Variants in OGDH observed in about 807,000 individuals in gnomAD.
OGDH encodes the protein 2-oxoglutarate dehydrogenase complex component E1.
Under a neutral mutation model 116.6 loss-of-function variants are expected in OGDH, and 38 were observed. That is an observed-to-expected ratio of 0.33 (90% confidence interval 0.25 to 0.43). The LOEUF is 0.43. OGDH is among the 20% of genes least tolerant of loss of function. The pLI is 1.00. For missense variants in OGDH, 825 were observed against 1,357.2 expected (o/e 0.61, Z 6.16); for synonymous variants, 488 against 533.3 (o/e 0.92, Z 1.17).
intron 4 of OGDH, among the ~76,000 whole-genome samples, chr7:44,663,412 T>C (rs1787035421): frequency 6.6e-6 from 1 of 152,186 alleles, no homozygotes; most frequent in African/African-American, 2.4e-5. Flanking sequence ...GCAGGCAGAT[T>C]GCTTGAGCTC....
chr7:44,698,117 T>C, intron 17 of OGDH, 75 bp from the exon 18 acceptor site: 1 of 1,516,148 alleles, frequency 6.6e-7, no homozygotes, highest in Non-Finnish European at 9.2e-7. Flanking sequence ...GCTAGTTGGT[T>C]GAGGAGGAAC....
In OGDH at chr7:44,696,946, A is replaced by G; in HGVS notation, c.1933A>G (p.Met645Val). 3 of 1,613,844 alleles carry G rather than the reference A, an allele frequency of 1.9e-6. No individual in the cohort carries two copies. Among genetic ancestry groups the G allele is most frequent in the Non-Finnish European group, 2.5e-6 (3 of 1,179,782 alleles). The change falls in exon 15 of 23, where the codon ATG (methionine) becomes GTG (valine). Residue 645 changes from methionine (M) to valine (V), a missense_variant. Met to Val is a conservative substitution (Grantham distance 21). Around this residue, in one of 7 missense-constraint regions of OGDH, gnomAD observed 92 missense variants for 129.7 expected, o/e 0.71. Coordinates refer to ENST00000222673, the MANE Select transcript of OGDH (RefSeq NM_002541.4). ...CCGGATCTTGAAGACTCGTGGGGAA[A>G]TGGTGAAGAACCGGACTGTGGACTG... ...LSRILKTRGE[M>V]VKNRTVDWAL...
chr7:44,645,961 T>C lies in OGDH; in HGVS notation c.414+443T>C, dbSNP rs907091883. On this transcript the variant is annotated intron_variant, in intron 3 of 22. Transcript: ENST00000222673. ...AACCATACTATAGAGTTTGGGGATG[T>C]GGAGGCAGGGAGAGGCAGCTGAGGG... Among the ~76,000 whole-genome samples the C allele has an allele frequency of 4.6e-5, 7 of 152,150 alleles. No individual in the cohort carries two copies. The South Asian group carries it at 1.5e-3, about 32-fold the overall frequency.
chr7:44,674,431 G>A lies in OGDH; in HGVS notation c.809G>A (p.Arg270Gln). 1.2e-6 allele frequency: 2 copies of A among 1,614,132 alleles called. No homozygotes were observed. Among genetic ancestry groups the A allele is most frequent in the South Asian group, 1.1e-5 (1 of 91,084 alleles). ...TCCAGGTTTGAGGAGTTCCTACAGC[G>A]GAAGTGGTCCTCTGAGAAGCGCTTT... is the stretch of plus-strand genomic sequence containing the variant. ...RSTRFEEFLQ[R>Q]KWSSEKRFGL... The change falls in exon 7 of 23, where the codon CGG (arginine) becomes CAG (glutamine). Residue 270 changes from arginine to glutamine, a missense_variant. By Grantham distance (43) the Arg-to-Gln change is conservative. This residue lies in a region of OGDH where 171 missense variants were observed against 276.8 expected (regional missense o/e 0.62). Transcript: ENST00000222673.
intron 4 of OGDH, among the ~76,000 whole-genome samples, chr7:44,663,968 T>G (rs1282687935): frequency 6.6e-6 from 1 of 152,080 alleles, no homozygotes; most frequent in Non-Finnish European, 1.5e-5. Context: ...AAGAAATTGT[T>G]TGATGATGAC....
chr7:44,686,860 G>A (rs1788152413), intron 10 of OGDH, among the ~76,000 whole-genome samples: 1 of 150,536 alleles, frequency 6.6e-6, no homozygotes, highest in African/African-American at 2.4e-5. Context: ...GCTAATTTTT[G>A]TATTTTCAGT....
intron 2 of OGDH, among the ~76,000 whole-genome samples, chr7:44,640,878 G>C (rs1045256768): frequency 3.3e-5 from 5 of 150,968 alleles, no homozygotes; most frequent in African/African-American, 1.2e-4. Flanking sequence ...GAAAAATTTT[G>C]ATTAGGTTTT....
rs202245477 is a variant in OGDH, at chr7:44,640,440, GT to G, written c.223-4879del. On this transcript the variant is annotated intron_variant, in intron 2 of 22. Transcript: ENST00000222673. ...TACCTATCCCTGCTGCTATTGGTGGGTTTTTTTTGTTTTGTTTTGTTTTACT... is the reference window on the plus strand; with the variant it reads ...TACCTATCCCTGCTGCTATTGGTGGGTTTTTTTGTTTTGTTTTGTTTTACT... Among the ~76,000 whole-genome samples the G allele has an allele frequency of 2.6e-5, 4 of 151,676 alleles. No individual in the cohort carries two copies. In the South Asian group the frequency reaches 6.3e-4, roughly 24 times the overall value.
At position 44,675,339 on chromosome 7, in the gene OGDH, C is replaced by T. The variant is rs190159967; in HGVS notation, c.1026+71C>T. The T allele has an allele frequency of 2.1e-3, 2,483 of 1,208,312 alleles. 5 individuals are homozygous for T. Among genetic ancestry groups the T allele is most frequent in the Non-Finnish European group, 2.6e-3 (2,185 of 825,132 alleles). The allele number at this position is 1,208,312 out of a possible 1,614,324, so 74.8% of individuals were successfully genotyped here. A position where few individuals can be genotyped will look rare whatever the true frequency, so the allele number is the denominator to read the frequency against. Reference sequence around the variant, plus strand: ...ACAAGACCCCTGGCTCCACTTCTTTCTTAGAATGACTTACGGGGGGTTGGT... The same window carrying T: ...ACAAGACCCCTGGCTCCACTTCTTTTTTAGAATGACTTACGGGGGGTTGGT... On this transcript the variant is annotated intron_variant, in intron 8 of 22. Coordinates refer to ENST00000222673, the MANE Select transcript of OGDH (RefSeq NM_002541.4).
intron 2 of OGDH, among the ~76,000 whole-genome samples, chr7:44,634,449 T>C (rs946697419): frequency 4.6e-5 from 7 of 152,192 alleles, no homozygotes; most frequent in Admixed American, 1.3e-4. Context: ...CCAGCAAATA[T>C]CATTCTGATA....
At position 44,700,982 on chromosome 7, in the gene OGDH, C is replaced by T. The variant is rs186014518; in HGVS notation, c.2560-561C>T. ...GAGCTGGCAGTGAGCCGAGATCGCA[C>T]CACTGCACTCCAGCCTGGGCAACAG... On this transcript the variant is annotated intron_variant, in intron 19 of 22. Transcript: ENST00000222673. Among the ~76,000 whole-genome samples, 126 of 152,342 alleles carry T rather than the reference C, an allele frequency of 8.3e-4. 3 individuals carry two copies. The highest frequency in any genetic ancestry group is 6.0e-3 in the Admixed American group (92 of 15,306).
At chr7:44,664,764 A>G (rs759029518) in intron 4 of OGDH, among the ~76,000 whole-genome samples, 1 of 152,148 alleles carries the variant, frequency 6.6e-6, no homozygotes. Flanking sequence ...CGCTTTCACA[A>G]AGCACTCATA....
At chr7:44,692,780 ATC>A (rs1788417051) in intron 10 of OGDH, among the ~76,000 whole-genome samples, 1 of 152,132 alleles carries the variant, frequency 6.6e-6, no homozygotes, top group South Asian at 2.1e-4. Flanking sequence ...CACACCTGTA[ATC>A]CCAGCATTTT....
At position 44,708,831 on chromosome 7, in the gene OGDH, A is replaced by G. The variant is rs1186640246; in HGVS notation, c.*832A>G. 3.3e-5 allele frequency: 5 copies of G among 151,716 alleles called. No individual in the cohort carries two copies. The highest frequency in any genetic ancestry group is 9.7e-5 in the African/African-American group (4 of 41,314). The allele number at this position is 151,716 out of a possible 1,614,324, so 9.4% of individuals were successfully genotyped here. On this transcript the variant is annotated 3_prime_UTR_variant, in exon 23 of 23. Coordinates refer to ENST00000222673, the MANE Select transcript of OGDH (RefSeq NM_002541.4). ...CACTCTTTCTTTCTCCTTTAACCCA[A>G]TGGAGACTTTCTGATGCATCGTTTT...
intron 13 of OGDH, 54 bp from the exon 14 acceptor site, chr7:44,696,374 TG>T (rs1788581050): frequency 6.3e-7 from 1 of 1,583,678 alleles, no homozygotes; most frequent in Non-Finnish European, 8.6e-7. Context: ...TGCCATTTTG[TG>T]GTCCCTGGAA....
At chr7:44,669,500 A>G (rs562891819) in intron 5 of OGDH, among the ~76,000 whole-genome samples, 1 of 152,002 alleles carries the variant, frequency 6.6e-6, no homozygotes, top group East Asian at 1.9e-4. Context: ...GCTCCCATGG[A>G]GTCACTGTCT....
chr7:44,691,531 CA>C (rs56021103), intron 10 of OGDH, among the ~76,000 whole-genome samples: 13,637 of 77,684 alleles, frequency 0.18, 861 homozygotes, highest in East Asian at 0.43. Context: ...GACCTTCTCT[CA>C]AAAAAAAAAA....
intron 1 of OGDH, among the ~76,000 whole-genome samples, chr7:44,613,954 G>A (rs1466717299): frequency 6.6e-6 from 1 of 151,886 alleles, no homozygotes; most frequent in East Asian, 1.9e-4. Flanking sequence ...TTACAGGTAT[G>A]TGCTGCCACT....
intron 14 of OGDH, 77 bp downstream of exon 14, chr7:44,696,634 G>A (rs2116359420): frequency 6.3e-7 from 1 of 1,578,546 alleles, no homozygotes; most frequent in South Asian, 1.2e-5. Context: ...CTGTGACCTT[G>A]GCCCCCACCC....
Sources: gnomAD v4.1 joint callset for allele counts (sites outside exome capture counted in the v4.1 genomes callset) on GRCh38, gnomAD v4.1.1 for gene constraint, gnomAD v4.1.1 regional missense constraint, MANE v1.5 for transcripts, NCBI Gene and HGNC (gene_info 2026-07-23, HGNC 2026-07-21) for gene names.